Variants in JMJD1C observed in about 807,000 individuals in gnomAD.
JMJD1C encodes jumonji domain-containing protein 1C.
In JMJD1C, 31 loss-of-function variants were observed where a neutral mutation model predicts 245.3. That is an observed-to-expected ratio of 0.13 (90% CI 0.09 to 0.17). The LOEUF is 0.17. JMJD1C is among the 10% of genes least tolerant of loss of function. The pLI, the probability that JMJD1C is intolerant of heterozygous loss-of-function variation, is 1.00. For synonymous variants in JMJD1C, 1,057 were observed against 1,017.4 expected (o/e 1.04, Z -0.74); for missense variants, 2,691 against 3,000.2 (o/e 0.90, Z 2.41).
intron 2 of JMJD1C, among the ~76,000 whole-genome samples, chr10:63,378,807 A>T (rs1267041984): frequency 2.6e-5 from 4 of 152,176 alleles, no homozygotes; most frequent in Admixed American, 6.5e-5. Flanking sequence ...TTTTGGGTTA[A>T]GGTCTATAAA....
chr10:63,348,120 C>A (rs1459588927), intron 2 of JMJD1C, among the ~76,000 whole-genome samples: 1 of 150,760 alleles, frequency 6.6e-6, no homozygotes, highest in Non-Finnish European at 1.5e-5. Context: ...GTGGGAGGAT[C>A]GCTTGAAACC....
intron 2 of JMJD1C, among the ~76,000 whole-genome samples, chr10:63,279,196 G>A (rs1008578945): frequency 6.6e-6 from 1 of 152,172 alleles, no homozygotes; most frequent in Admixed American, 6.5e-5. Context: ...GTTGCAGTGA[G>A]CTAAGACGGT....
At chr10:63,345,354 G>C (rs1943718170) in intron 2 of JMJD1C, among the ~76,000 whole-genome samples, 1 of 152,020 alleles carries the variant, frequency 6.6e-6, no homozygotes, top group South Asian at 2.1e-4. Flanking sequence ...GGGCGTGGTG[G>C]CAGGCACCTG....
intron 3 of JMJD1C, among the ~76,000 whole-genome samples, chr10:63,244,321 T>C (rs943545585): frequency 6.6e-6 from 1 of 152,096 alleles, no homozygotes; most frequent in Admixed American, 6.6e-5. Context: ...CCTGACTGTT[T>C]ACTAGAACCA....
At chr10:63,332,036 G>A (rs1402811723) in intron 2 of JMJD1C, among the ~76,000 whole-genome samples, 5 of 152,058 alleles carry the variant, frequency 3.3e-5, no homozygotes, top group African/African-American at 1.2e-4. Flanking sequence ...ATTAATATGC[G>A]TATCTTAAAA....
intron 2 of JMJD1C, among the ~76,000 whole-genome samples, chr10:63,353,405 T>C (rs1944525334): frequency 6.6e-6 from 1 of 152,214 alleles, no homozygotes; most frequent in Non-Finnish European, 1.5e-5. Flanking sequence ...CTACTACTAA[T>C]GTGAAGATGC....
intron 1 of JMJD1C, among the ~76,000 whole-genome samples, chr10:63,446,444 G>T (rs1302077673): frequency 1.3e-5 from 2 of 152,136 alleles, no homozygotes; most frequent in African/African-American, 4.8e-5. Flanking sequence ...TTAGGGGAGA[G>T]ATCCAAACAA....
chr10:63,282,258 T>C (rs1276060632), intron 2 of JMJD1C, among the ~76,000 whole-genome samples: 1 of 152,232 alleles, frequency 6.6e-6, no homozygotes, highest in Non-Finnish European at 1.5e-5. Context: ...ACAAATGAGA[T>C]ACACAATTTC....
chr10:63,395,045 C>T (rs577230784), intron 1 of JMJD1C, among the ~76,000 whole-genome samples: 29 of 151,906 alleles, frequency 1.9e-4, no homozygotes, highest in Non-Finnish European at 3.4e-4. Flanking sequence ...AAAATATGGG[C>T]AAAAGATTTG....
chr10:63,200,527 C>T lies in JMJD1C; in HGVS notation c.5225G>A (p.Gly1742Glu). The T allele has an allele frequency of 1.9e-6, 3 of 1,613,974 alleles. No homozygotes were observed. The highest frequency in any genetic ancestry group is 2.5e-6 in the Non-Finnish European group (3 of 1,179,920). ...TACTGGTGAGTGAGCTGGTTCTTCTCCTTTTTTACTGCGAATAAGTCTACA... is the reference window on the plus strand; with the variant it reads ...TACTGGTGAGTGAGCTGGTTCTTCTTCTTTTTTACTGCGAATAAGTCTACA... ...RECRLIRSKKGEEPAHSPVFC... is the reference protein window; with the variant it reads ...RECRLIRSKKEEEPAHSPVFC... The change falls in exon 11 of 26, where the codon GGA becomes GAA. Residue 1742 changes from glycine (G) to glutamate (E), a missense_variant. Gly to Glu is a moderately conservative substitution (Grantham distance 98). Around this residue, in one of 9 missense-constraint regions of JMJD1C, gnomAD observed 139 missense variants for 270.5 expected, o/e 0.51. Transcript: ENST00000399262.
At chr10:63,350,879 A>C (rs1944297365) in intron 2 of JMJD1C, among the ~76,000 whole-genome samples, 1 of 152,072 alleles carries the variant, frequency 6.6e-6, no homozygotes, top group Non-Finnish European at 1.5e-5. Flanking sequence ...TTGGCCTCCC[A>C]AAGTGCTGGG....
intron 2 of JMJD1C, among the ~76,000 whole-genome samples, chr10:63,344,623 C>G (rs1943652984): frequency 6.6e-6 from 1 of 152,036 alleles, no homozygotes; most frequent in African/African-American, 2.4e-5. Flanking sequence ...TTGCTACAGA[C>G]TGGTAGAAGG....
chr10:63,370,338 A>G (rs1420620797), intron 2 of JMJD1C, among the ~76,000 whole-genome samples: 2 of 152,230 alleles, frequency 1.3e-5, no homozygotes, highest in Admixed American at 6.5e-5. Context: ...GGTTTCTCTC[A>G]AAGTGTACAC....
At position 63,336,063 on chromosome 10, in the gene JMJD1C, G is replaced by A. The variant is rs2134193334; in HGVS notation, c.333+44255C>T. Among the ~76,000 whole-genome samples the A allele has an allele frequency of 1.3e-5, 2 of 152,252 alleles. 1 individual carries two copies. Among genetic ancestry groups the A allele is most frequent in the African/African-American group, 4.8e-5 (2 of 41,568 alleles). Reference sequence around the variant, plus strand: ...TTAAACCTCGCAGGCGGAGGCTGCGGTGAGCGGAGATCGCACCACTGCACT... The same window carrying A: ...TTAAACCTCGCAGGCGGAGGCTGCGATGAGCGGAGATCGCACCACTGCACT... On this transcript the variant is annotated intron_variant, in intron 2 of 25. Coordinates refer to ENST00000399262, the MANE Select transcript of JMJD1C (RefSeq NM_032776.3).
At chr10:63,263,894 T>C (rs1415365411) in intron 3 of JMJD1C, among the ~76,000 whole-genome samples, 2 of 140,456 alleles carry the variant, frequency 1.4e-5, no homozygotes, top group Non-Finnish European at 3.0e-5. Context: ...AACGTGCCAC[T>C]GCATTCCAGC....
intron 1 of JMJD1C, among the ~76,000 whole-genome samples, chr10:63,465,040 G>A (rs1953100135): frequency 1.3e-5 from 2 of 152,214 alleles, no homozygotes; most frequent in Admixed American, 6.5e-5. Flanking sequence ...AACCTTACAG[G>A]ATAAGTTTTA....
chr10:63,418,478 CA>C (rs1564898986), intron 1 of JMJD1C, among the ~76,000 whole-genome samples: 1 of 152,068 alleles, frequency 6.6e-6, no homozygotes, highest in Non-Finnish European at 1.5e-5. Flanking sequence ...GAAGGTACAA[CA>C]AATAAAACAA....
chr10:63,390,667 C>T (rs1284296927), intron 1 of JMJD1C, among the ~76,000 whole-genome samples: 1 of 152,134 alleles, frequency 6.6e-6, no homozygotes. Flanking sequence ...CCAAATTCAA[C>T]AGCACATCAA....
intron 1 of JMJD1C, among the ~76,000 whole-genome samples, chr10:63,441,526 G>T (rs902680498): frequency 5.9e-5 from 9 of 152,066 alleles, no homozygotes; most frequent in African/African-American, 2.2e-4. Context: ...TATATTAATG[G>T]GAACTAATAC....
Sources: allele counts gnomAD v4.1 joint callset (sites outside exome capture counted in the v4.1 genomes callset), GRCh38; gene constraint gnomAD v4.1.1; regional missense constraint gnomAD v4.1.1; transcripts MANE v1.5; gene names NCBI Gene and HGNC (gene_info 2026-07-23, HGNC 2026-07-21).